IGSF5: variants seen among roughly 807,000 people sequenced by gnomAD.
IGSF5 encodes immunoglobulin superfamily 5 like.
Under a neutral mutation model 39.4 loss-of-function variants are expected in IGSF5, and 41 were observed. The ratio of observed to expected loss-of-function variants is 1.04; its 90% CI spans 0.81 to 1.35. The LOEUF is 1.35. IGSF5 is among the 40% of genes most tolerant of loss of function. The probability of loss-of-function intolerance (pLI) is 0.00; values close to 1 mark genes in which losing one functional copy is unlikely to be tolerated. For synonymous variants in IGSF5, 183 were observed against 175.3 expected (o/e 1.04, Z -0.34); for missense variants, 487 against 494.6 (o/e 0.98, Z 0.15).
intron 8 of IGSF5, among the ~76,000 whole-genome samples, chr21:39,796,820 C>T (rs914567398): frequency 2.0e-5 from 3 of 152,208 alleles, no homozygotes; most frequent in Non-Finnish European, 4.4e-5. Context: ...CTTTTCCGAT[C>T]GTGGTTGCTG....
intron 4 of IGSF5, among the ~76,000 whole-genome samples, chr21:39,776,965 G>A (rs2080144757): frequency 6.6e-6 from 1 of 152,202 alleles, no homozygotes. Flanking sequence ...GCCATCTTGA[G>A]CCTGTGCACT....
At chr21:39,771,355 C>A in intron 4 of IGSF5, 140 bp downstream of exon 4, 1 of 618,838 alleles carries the variant, frequency 1.6e-6, no homozygotes. Flanking sequence ...AGGCCAATCA[C>A]ATCTGCTGTC....
At chr21:39,734,573 C>T in the IGSF5 span, among the ~76,000 whole-genome samples, 1 of 151,944 alleles carries the variant, frequency 6.6e-6, no homozygotes, top group South Asian at 2.1e-4. Flanking sequence ...CTCCTGATAA[C>T]CACTGATTTT....
At chr21:39,769,645 A>G (rs907601910) in intron 3 of IGSF5, among the ~76,000 whole-genome samples, 3 of 152,150 alleles carry the variant, frequency 2.0e-5, no homozygotes, top group African/African-American at 7.2e-5. Flanking sequence ...AGACTGAATG[A>G]AGAGACAGCT....
the IGSF5 span, among the ~76,000 whole-genome samples, chr21:39,724,871 T>C: frequency 1.3e-5 from 2 of 152,214 alleles, no homozygotes. Context: ...ACATCTCAAC[T>C]TCTTTGTGCA....
At chr21:39,747,808 G>A (rs995051504) in intron 2 of IGSF5, among the ~76,000 whole-genome samples, 1 of 152,054 alleles carries the variant, frequency 6.6e-6, no homozygotes, top group Non-Finnish European at 1.5e-5. Flanking sequence ...ATTCAGTTGA[G>A]CTAGGGTGAC....
At chr21:39,746,399 A>C in intron 2 of IGSF5, 101 bp downstream of exon 2, 1 of 607,980 alleles carries the variant, frequency 1.6e-6, no homozygotes, top group African/African-American at 1.8e-5. Flanking sequence ...GCTCCCATAC[A>C]AAGGGAGGGG....
At chr21:39,765,071 C>T (rs1236065309) in intron 2 of IGSF5, among the ~76,000 whole-genome samples, 1 of 152,156 alleles carries the variant, frequency 6.6e-6, no homozygotes, top group Non-Finnish European at 1.5e-5. Context: ...ATGCATCACT[C>T]CAGTCTCTGC....
At chr21:39,715,909 A>G in the IGSF5 span, among the ~76,000 whole-genome samples, 1 of 146,772 alleles carries the variant, frequency 6.8e-6, no homozygotes, top group East Asian at 2.2e-4. Context: ...GTGGCTGGGG[A>G]GGGAACCAAC....
chr21:39,765,435 A>G, intron 2 of IGSF5, 100 bp from the exon 3 acceptor site: 2 of 1,079,788 alleles, frequency 1.9e-6, no homozygotes, highest in African/African-American at 3.1e-5. Context: ...TGGATGGACA[A>G]CCTGGGGGTT....
intron 8 of IGSF5, among the ~76,000 whole-genome samples, chr21:39,799,261 C>T (rs376494793): frequency 4.6e-5 from 7 of 152,308 alleles, no homozygotes; most frequent in East Asian, 1.9e-4. Flanking sequence ...TTCTCTATTC[C>T]GGTTTTCCTA....
At chr21:39,757,091 TC>T (rs1363250399) in intron 2 of IGSF5, among the ~76,000 whole-genome samples, 1 of 151,806 alleles carries the variant, frequency 6.6e-6, no homozygotes, top group African/African-American at 2.4e-5. Context: ...GGAAAGTTCT[TC>T]CTGCAGGTGT....
At chr21:39,723,030 A>G in the IGSF5 span, among the ~76,000 whole-genome samples, 1 of 152,210 alleles carries the variant, frequency 6.6e-6, no homozygotes, top group Non-Finnish European at 1.5e-5. Context: ...TTAGTTATCT[A>G]TTGCTATGTA....
At chr21:39,734,439 TACACACACACACACACAC>T in the IGSF5 span, among the ~76,000 whole-genome samples, 1 of 120,288 alleles carries the variant, frequency 8.3e-6, no homozygotes, top group Non-Finnish European at 1.6e-5. Context: ...AAAAAAAAAA[TACACACACACACACACAC>T]ACACACACAC....
At chr21:39,801,239 C>CT in intron 8 of IGSF5, 23 bp from the exon 9 acceptor site, 1 of 1,597,030 alleles carries the variant, frequency 6.3e-7, no homozygotes, top group Admixed American at 1.7e-5. Context: ...ATTAAATTGA[C>CT]TTTTTTCCTC....
chr21:39,750,936 C>T (rs146618502), intron 2 of IGSF5, among the ~76,000 whole-genome samples: 8 of 152,240 alleles, frequency 5.3e-5, no homozygotes, highest in Admixed American at 2.0e-4. Context: ...GCCTTGACTC[C>T]GAAGGACTTG....
At chr21:39,784,999 A>G (rs2080191594) in intron 5 of IGSF5, among the ~76,000 whole-genome samples, 1 of 148,644 alleles carries the variant, frequency 6.7e-6, no homozygotes, top group South Asian at 2.1e-4. Context: ...AACTTATAAG[A>G]TTATTTATTT....
chr21:39,774,890 C>A (rs535261572), intron 4 of IGSF5, among the ~76,000 whole-genome samples: 36 of 152,318 alleles, frequency 2.4e-4, no homozygotes, highest in East Asian at 3.9e-4. Flanking sequence ...GATGGTGCAA[C>A]TTTGGGCAAG....
intron 2 of IGSF5, among the ~76,000 whole-genome samples, chr21:39,761,818 G>T (rs979573368): frequency 1.3e-5 from 2 of 152,124 alleles, no homozygotes; most frequent in Non-Finnish European, 2.9e-5. Context: ...ACAGGCACAT[G>T]CTAACACACA....
Sources: allele counts gnomAD v4.1 joint callset (sites outside exome capture counted in the v4.1 genomes callset), GRCh38; gene constraint gnomAD v4.1.1; transcripts MANE v1.5; gene names NCBI Gene and HGNC (gene_info 2026-07-23, HGNC 2026-07-21).